The following MTOR variants were observed in gnomAD, a reference collection of about 807,000 sequenced individuals.
MTOR encodes the protein mechanistic target of rapamycin kinase.
Under a neutral mutation model 319.8 loss-of-function variants are expected in MTOR, and 70 were observed. The observed-to-expected ratio is 0.22, with a 90% confidence interval of 0.18 to 0.27. MTOR has a LOEUF of 0.27. MTOR is among the 10% of genes least tolerant of loss of function. The pLI is 1.00. For missense variants in MTOR, 1,890 were observed against 3,274.4 expected, an observed-to-expected ratio of 0.58 and a Z score of 10.32; for synonymous variants, 1,183 against 1,211.4, an observed-to-expected ratio of 0.98 and a Z score of 0.49.
chr1:11,164,903 G>A (rs1052878519), intron 29 of MTOR, among the ~76,000 whole-genome samples: 2 of 152,292 alleles, frequency 1.3e-5, no homozygotes, highest in Admixed American at 6.5e-5. Context: ...TATCAACCAT[G>A]ATCAAGTGGG....
intron 32 of MTOR, chr1:11,145,255 T>A: frequency 1.7e-6 from 1 of 577,044 alleles, no homozygotes; most frequent in South Asian, 2.1e-5. Context: ...ATGTATGGCA[T>A]CCAAAACTTT....
At chr1:11,255,360 T>TGACAG (rs946587806) in intron 5 of MTOR, among the ~76,000 whole-genome samples, 1 of 118,868 alleles carries the variant, frequency 8.4e-6, no homozygotes, top group African/African-American at 3.8e-5. Flanking sequence ...TCCAGCTTGG[T>TGACAG]GACAGAACAA....
In MTOR at chr1:11,121,106, T is replaced by C; in HGVS notation, c.6933+140A>G. 3.5e-6 allele frequency: 4 copies of C among 1,138,286 alleles called. No individual in the cohort carries two copies. The highest frequency in any genetic ancestry group is 1.7e-5 in the South Asian group (1 of 58,394). The allele number at this position is 1,138,286 out of a possible 1,614,324, so 70.5% of individuals were successfully genotyped here. On this transcript the variant is annotated intron_variant, in intron 49 of 57. Coordinates refer to ENST00000361445, the MANE Select transcript of MTOR (RefSeq NM_004958.4). This position sits in a 1 kb window ranked among gnomAD's most constrained non-coding sequence, Gnocchi z 4.9. ...CTTGTCTTGCTCACCCATTTCATTTTTGTTAGAAAAGTCTGGACACGCTCT... is the reference window on the plus strand; with the variant it reads ...CTTGTCTTGCTCACCCATTTCATTTCTGTTAGAAAAGTCTGGACACGCTCT...
At chr1:11,140,055 C>A (rs567441901) in intron 34 of MTOR, among the ~76,000 whole-genome samples, 30 of 152,136 alleles carry the variant, frequency 2.0e-4, no homozygotes, top group South Asian at 4.2e-4. Flanking sequence ...GAACTCCTGA[C>A]CTTAACTGAT....
Position 11,115,631 on chromosome 1 carries a change from C to T in MTOR, c.7017-163G>A. 7.8e-6 allele frequency: 5 copies of T among 638,866 alleles called. No individual in the cohort carries two copies. The highest frequency in any genetic ancestry group is 1.4e-5 in the Non-Finnish European group (5 of 350,830). 39.6% of individuals were successfully genotyped at this position (638,866 alleles called of 1,614,324 possible). A position where few individuals can be genotyped will look rare whatever the true frequency, so the allele number is the denominator to read the frequency against. On this transcript the variant is annotated intron_variant, in intron 50 of 57. Transcript: ENST00000361445. The surrounding 1 kb of genome is among the most constrained non-coding windows in gnomAD (Gnocchi z 4.5). ...GCAAGTCCAGTTTTACTGGAACACA[C>T]AGCACGCTCCCTTGTTTAAGTACTG...
chr1:11,141,940 G>A (rs2100492128), intron 34 of MTOR, among the ~76,000 whole-genome samples: 1 of 151,684 alleles, frequency 6.6e-6, no homozygotes, highest in Admixed American at 6.5e-5. Context: ...GGCGGAGCTT[G>A]CAGTAAGCCG....
At chr1:11,130,492 C>A (rs746505410) in intron 39 of MTOR, 37 bp downstream of exon 39, 2 of 1,597,048 alleles carry the variant, frequency 1.3e-6, no homozygotes, top group African/African-American at 1.3e-5. Context: ...AGCCTGGCAC[C>A]TTGGTTGGTT....
At chr1:11,255,847 A>AC in intron 5 of MTOR, 145 bp downstream of exon 5, 4 of 166,488 alleles carry the variant, frequency 2.4e-5, no homozygotes, top group Non-Finnish European at 3.4e-5. Context: ...ACTCCATCAC[A>AC]AAAAAAAAAA....
intron 36 of MTOR, among the ~76,000 whole-genome samples, chr1:11,137,153 A>T (rs372040146): frequency 1.1e-3 from 3 of 2,812 alleles, no homozygotes; most frequent in South Asian, 0.014. Context: ...AAATCTGATT[A>T]AAAAAAAAAA....
intron 36 of MTOR, 107 bp downstream of exon 36, chr1:11,139,197 G>T: frequency 7.0e-7 from 1 of 1,419,346 alleles, no homozygotes; most frequent in Non-Finnish European, 9.5e-7. Flanking sequence ...ATTGTGAGTA[G>T]GTGGTTTAAA....
rs1329215150 is a variant in MTOR, at chr1:11,194,694, G to C, written c.4253+4564C>G. On this transcript the variant is annotated intron_variant, in intron 28 of 57. Coordinates refer to ENST00000361445, the MANE Select transcript of MTOR (RefSeq NM_004958.4). ...GGGGGGACCGGAAAGGAGAAGTTCAGGTACAAGCTCATAATCCCACTTGAG... is the reference window on the plus strand; with the variant it reads ...GGGGGGACCGGAAAGGAGAAGTTCACGTACAAGCTCATAATCCCACTTGAG... 3 of 1,613,180 alleles carry C rather than the reference G, an allele frequency of 1.9e-6. No homozygotes were observed. The African/African-American group carries it at 4.0e-5, about 22-fold the overall frequency.
chr1:11,206,826 A>G (rs1646152934), intron 25 of MTOR, among the ~76,000 whole-genome samples: 1 of 152,222 alleles, frequency 6.6e-6, no homozygotes, highest in Non-Finnish European at 1.5e-5. Context: ...CAGCTTACTC[A>G]TGGTGAAGGT....
At chr1:11,202,929 C>T (rs867043620) in intron 26 of MTOR, among the ~76,000 whole-genome samples, 17 of 151,650 alleles carry the variant, frequency 1.1e-4, no homozygotes, top group Admixed American at 5.2e-4. Context: ...AACAAAAAAC[C>T]AGGCGGGGCG....
At chr1:11,194,327 A>C in intron 28 of MTOR, 1 of 838,540 alleles carries the variant, frequency 1.2e-6, no homozygotes, top group East Asian at 2.5e-5. Flanking sequence ...GGAGGTAAAC[A>C]AGTAATAAAG....
chr1:11,194,832 C>T (rs538527703), intron 28 of MTOR: 2 of 1,613,194 alleles, frequency 1.2e-6, no homozygotes, highest in African/African-American at 2.7e-5. Flanking sequence ...CTTACTAGCA[C>T]TGGGTCTGTT....
chr1:11,218,361 C>T (rs1646546827), intron 19 of MTOR, among the ~76,000 whole-genome samples: 1 of 151,286 alleles, frequency 6.6e-6, no homozygotes, highest in Non-Finnish European at 1.5e-5. Context: ...AACCGGAAGG[C>T]GGAGGTTGCA....
In MTOR at chr1:11,109,523, A is replaced by G; in HGVS notation, c.7447+126T>C. On this transcript the variant is annotated intron_variant, in intron 55 of 57. Coordinates refer to ENST00000361445, the MANE Select transcript of MTOR (RefSeq NM_004958.4). This position sits in a 1 kb window ranked among gnomAD's most constrained non-coding sequence, Gnocchi z 4.0. ...GTCCTCAGAATATAATGAGAAATTC[A>G]TGGAACCTTTTCTGCTCAAAGGCAG... 1 of 1,220,198 alleles carries G rather than the reference A, an allele frequency of 8.2e-7. No homozygotes were observed. Among genetic ancestry groups the G allele is most frequent in the Non-Finnish European group, 1.2e-6 (1 of 840,330 alleles). 75.6% of individuals were successfully genotyped at this position (1,220,198 alleles called of 1,614,324 possible).
At chr1:11,154,760 G>A (rs1484800388) in intron 30 of MTOR, among the ~76,000 whole-genome samples, 1 of 152,016 alleles carries the variant, frequency 6.6e-6, no homozygotes, top group Non-Finnish European at 1.5e-5. Context: ...GAGGTGGGAG[G>A]ATTGCTTGAG....
chr1:11,234,044 C>T lies in MTOR; in HGVS notation c.2331+99G>A, dbSNP rs116179176. The T allele has an allele frequency of 1.1e-3, 1,672 of 1,559,228 alleles. 21 individuals are homozygous for T. The African/African-American group carries it at 0.019, about 18-fold the overall frequency. On this transcript the variant is annotated intron_variant, in intron 14 of 57. Transcript: ENST00000361445. ...AGCGTGAGAGCAAAGAAATCACCTA[C>T]TTTGTTCAGTGTACTAGTGAACACT...
Sources: gnomAD v4.1 joint callset for allele counts (sites outside exome capture counted in the v4.1 genomes callset) on GRCh38, gnomAD v4.1.1 for gene constraint, Gnocchi (gnomAD v3.1) non-coding constraint, MANE v1.5 for transcripts, NCBI Gene and HGNC (gene_info 2026-07-23, HGNC 2026-07-21) for gene names.